Variants in HS6ST3 observed in about 807,000 individuals in gnomAD.
HS6ST3 encodes the protein heparan sulfate 6-O-sulfotransferase 3.
HS6ST3 carries 12 observed loss-of-function variants against 36.7 expected under a neutral mutation model. That is an observed-to-expected ratio of 0.33 (90% CI 0.21 to 0.53). The LOEUF (loss-of-function observed/expected upper bound fraction) is 0.53, where lower values mean the gene tolerates loss of function less well. Among genes scored for constraint, HS6ST3 ranks in the 20% least tolerant of loss-of-function variants. HS6ST3 has a pLI of 0.95. For synonymous variants in HS6ST3, 240 were observed against 257.5 expected, an observed-to-expected ratio of 0.93 and a Z score of 0.65; for missense variants, 584 against 640.9, an observed-to-expected ratio of 0.91 and a Z score of 0.96.
chr13:96,831,208 T>G (rs890171004), intron 1 of HS6ST3, among the ~76,000 whole-genome samples: 3 of 152,232 alleles, frequency 2.0e-5, no homozygotes, highest in Admixed American at 2.0e-4. Flanking sequence ...TGTCCTGATC[T>G]CTATGTGATT....
chr13:96,317,367 TAA>T (rs113951852), intron 1 of HS6ST3, among the ~76,000 whole-genome samples: 11 of 17,954 alleles, frequency 6.1e-4, no homozygotes, highest in African/African-American at 9.0e-4. Context: ...TATATATATA[TAA>T]AATTATATAT....
chr13:96,176,599 C>T (rs1211237232), intron 1 of HS6ST3, among the ~76,000 whole-genome samples: 1 of 151,646 alleles, frequency 6.6e-6, no homozygotes, highest in Non-Finnish European at 1.5e-5. Flanking sequence ...TGTCCACATA[C>T]AAGAAATATG....
intron 1 of HS6ST3, among the ~76,000 whole-genome samples, chr13:96,540,870 A>G (rs2056174834): frequency 6.6e-6 from 1 of 152,120 alleles, no homozygotes; most frequent in African/African-American, 2.4e-5. Flanking sequence ...ACCAGAATGG[A>G]TGATGCACTC....
At chr13:96,796,006 G>C (rs924777003) in intron 1 of HS6ST3, among the ~76,000 whole-genome samples, 1 of 152,096 alleles carries the variant, frequency 6.6e-6, no homozygotes, top group Non-Finnish European at 1.5e-5. Context: ...AAAAGGCTAT[G>C]AAAGCCCAAA....
chr13:96,374,229 A>T lies in HS6ST3; in HGVS notation c.707+282660A>T, dbSNP rs367684817. On this transcript the variant is annotated intron_variant, in intron 1 of 1. Coordinates refer to ENST00000376705, the MANE Select transcript of HS6ST3 (RefSeq NM_153456.4). The stretch of plus-strand genomic sequence containing the variant: ...GATTTATCAATAAAGAACTGAAAAG[A>T]GGGTTAAATACATTAGGAAGATAAT... Among the ~76,000 whole-genome samples, 19 of 152,322 alleles carry T rather than the reference A, an allele frequency of 1.2e-4. No individual in the cohort carries two copies. The East Asian group carries it at 3.1e-3, about 25-fold the overall frequency.
intron 1 of HS6ST3, among the ~76,000 whole-genome samples, chr13:96,207,785 T>C (rs1156285441): frequency 6.6e-6 from 1 of 152,122 alleles, no homozygotes; most frequent in Non-Finnish European, 1.5e-5. Context: ...TGAGAATGCA[T>C]GGGCACGTGG....
At chr13:96,467,216 C>G (rs1211122068) in intron 1 of HS6ST3, among the ~76,000 whole-genome samples, 3 of 152,082 alleles carry the variant, frequency 2.0e-5, no homozygotes. Context: ...TTTCCCAACT[C>G]TTCATGTGTT....
intron 1 of HS6ST3, among the ~76,000 whole-genome samples, chr13:96,656,429 A>T (rs925187624): frequency 1.3e-5 from 2 of 152,170 alleles, no homozygotes; most frequent in Non-Finnish European, 2.9e-5. Flanking sequence ...TCTAGAAGTT[A>T]TTAGATAGTA....
chr13:96,680,349 C>A (rs76670219), intron 1 of HS6ST3, among the ~76,000 whole-genome samples: 2 of 152,094 alleles, frequency 1.3e-5, no homozygotes, highest in Non-Finnish European at 1.5e-5. Context: ...ATATGTGGAA[C>A]CTGACAATCT....
Position 96,526,983 on chromosome 13 carries a change from T to G in HS6ST3, c.708-305507T>G, listed in dbSNP as rs551320347. ...AATACGTATTGAAATTATATAATAT[T>G]TTAGGTATATTGAATAAAGATAGAT... is the stretch of plus-strand genomic sequence containing the variant. On this transcript the variant is annotated intron_variant, in intron 1 of 1. Transcript: ENST00000376705. Among the ~76,000 whole-genome samples the G allele has an allele frequency of 5.4e-4, 82 of 152,342 alleles. 1 individual carries two copies. In the South Asian group the frequency reaches 6.0e-3, roughly 11 times the overall value.
intron 1 of HS6ST3, among the ~76,000 whole-genome samples, chr13:96,349,800 G>A (rs573629681): frequency 6.6e-6 from 1 of 152,282 alleles, no homozygotes; most frequent in South Asian, 2.1e-4. Context: ...AATATGTTTG[G>A]TAAGCAAAGA....
At chr13:96,134,880 G>C (rs900008242) in intron 1 of HS6ST3, among the ~76,000 whole-genome samples, 3 of 152,122 alleles carry the variant, frequency 2.0e-5, no homozygotes, top group African/African-American at 7.2e-5. Flanking sequence ...TATGGAAGGG[G>C]CATATTTTAT....
At chr13:96,404,424 G>T (rs915090124) in intron 1 of HS6ST3, among the ~76,000 whole-genome samples, 1 of 152,148 alleles carries the variant, frequency 6.6e-6, no homozygotes, top group Non-Finnish European at 1.5e-5. Flanking sequence ...CTCTCTACCT[G>T]ATGACAGTGA....
At chr13:96,739,822 A>G (rs902845755) in intron 1 of HS6ST3, among the ~76,000 whole-genome samples, 2 of 152,104 alleles carry the variant, frequency 1.3e-5, no homozygotes, top group African/African-American at 4.8e-5. Flanking sequence ...TACTTCCTAT[A>G]TATTTTTTTC....
chr13:96,174,569 G>A (rs567298706), intron 1 of HS6ST3, among the ~76,000 whole-genome samples: 3 of 152,100 alleles, frequency 2.0e-5, no homozygotes, highest in Non-Finnish European at 2.9e-5. Context: ...TTTGGTTGGG[G>A]TTCCTAACTT....
chr13:96,443,719 G>A (rs988455116), intron 1 of HS6ST3, among the ~76,000 whole-genome samples: 2 of 152,202 alleles, frequency 1.3e-5, no homozygotes, highest in African/African-American at 4.8e-5. Flanking sequence ...GCATGTAGAA[G>A]AGTGTCTGAA....
intron 1 of HS6ST3, among the ~76,000 whole-genome samples, chr13:96,558,946 A>T (rs542576525): frequency 6.6e-6 from 1 of 152,314 alleles, no homozygotes; most frequent in South Asian, 2.1e-4. Context: ...AATTTTGGCC[A>T]ACAAAAGATG....
chr13:96,558,750 A>G (rs1037470807), intron 1 of HS6ST3, among the ~76,000 whole-genome samples: 8 of 152,186 alleles, frequency 5.3e-5, no homozygotes, highest in African/African-American at 1.7e-4. Context: ...TGTAACATCA[A>G]TGTGAGCTTT....
rs1054452659 is a variant in HS6ST3 at position 96,838,479 on chromosome 13, T to C, written c.*5281T>C. On this transcript the variant is annotated 3_prime_UTR_variant, in exon 2 of 2. Transcript: ENST00000376705. Reference sequence around the variant, plus strand: ...CTTTCCCATAGTTGCTGTGACCCCATTGGTCACCAGAGCAACTGCATGTCT... The same window carrying C: ...CTTTCCCATAGTTGCTGTGACCCCACTGGTCACCAGAGCAACTGCATGTCT... 3.9e-5 allele frequency: 6 copies of C among 152,276 alleles called. No homozygotes were observed. Among genetic ancestry groups the C allele is most frequent in the Admixed American group, 1.3e-4 (2 of 15,284 alleles). The allele number at this position is 152,276 out of a possible 1,614,324, so 9.4% of individuals were successfully genotyped here. A position where few individuals can be genotyped will look rare whatever the true frequency, so the allele number is the denominator to read the frequency against.
Sources: gnomAD v4.1 joint callset for allele counts (sites outside exome capture counted in the v4.1 genomes callset) on GRCh38, gnomAD v4.1.1 for gene constraint, MANE v1.5 for transcripts, NCBI Gene and HGNC (gene_info 2026-07-23, HGNC 2026-07-21) for gene names.